The following IMMP1L variants were observed in gnomAD, a reference collection of about 807,000 sequenced individuals.
IMMP1L encodes mitochondrial inner membrane protease subunit 1.
Under a neutral mutation model 21.8 loss-of-function variants are expected in IMMP1L, and 24 were observed. The ratio of observed to expected loss-of-function variants is 1.10; its 90% CI spans 0.80 to 1.55. The LOEUF (loss-of-function observed/expected upper bound fraction) is 1.55. IMMP1L is among the 40% of genes most tolerant of loss of function. The pLI, the probability that IMMP1L is intolerant of heterozygous loss-of-function variation, is 0.00. For synonymous variants in IMMP1L, 46 were observed against 62.8 expected (o/e 0.73, Z 1.26); for missense variants, 195 against 200.7 (o/e 0.97, Z 0.17).
chr11:31,437,661 A>T (rs1300361147), intron 4 of IMMP1L, among the ~76,000 whole-genome samples: 1 of 152,160 alleles, frequency 6.6e-6, no homozygotes, highest in African/African-American at 2.4e-5. Flanking sequence ...ACACGTTTTG[A>T]AAAATGTACA....
intron 1 of IMMP1L, chr11:31,473,642 T>G: frequency 2.3e-6 from 1 of 433,560 alleles, no homozygotes; most frequent in Non-Finnish European, 3.1e-6. Flanking sequence ...AAATTAGAGA[T>G]TCCTCCATCT....
In IMMP1L at chr11:31,456,149, C is replaced by A. The variant is rs560076628; in HGVS notation, c.321+111G>T. The A allele has an allele frequency of 2.7e-5, 18 of 658,132 alleles. No homozygotes were observed. In the East Asian group the frequency reaches 5.2e-4, roughly 19 times the overall value. 40.8% of individuals were successfully genotyped at this position (658,132 alleles called of 1,614,324 possible). A position where few individuals can be genotyped will look rare whatever the true frequency, so the allele number is the denominator to read the frequency against. On this transcript the variant is annotated intron_variant, in intron 4 of 5. Coordinates refer to ENST00000532287, the MANE Select transcript of IMMP1L (RefSeq NM_001304274.2). The stretch of plus-strand genomic sequence containing the variant: ...ATAAACATTTAAATTCTACTGGATG[C>A]CCTTTTTTCTTACATTCAAAATATG...
chr11:31,438,046 T>C (rs1246805050), intron 4 of IMMP1L, among the ~76,000 whole-genome samples: 7 of 152,212 alleles, frequency 4.6e-5, no homozygotes, highest in Admixed American at 2.0e-4. Context: ...TGAACATTCA[T>C]GTACAAGTCT....
At chr11:31,438,952 T>G (rs1953218789) in intron 4 of IMMP1L, among the ~76,000 whole-genome samples, 1 of 152,200 alleles carries the variant, frequency 6.6e-6, no homozygotes, top group African/African-American at 2.4e-5. Context: ...AATACAGAAT[T>G]CTGGATTGAC....
At chr11:31,473,746 T>C in intron 1 of IMMP1L, 1 of 985,212 alleles carries the variant, frequency 1.0e-6, no homozygotes, top group Non-Finnish European at 1.2e-6. Flanking sequence ...ATACCCAAAG[T>C]CACAAGAAGT....
At chr11:31,483,078 T>A (rs895671056) in intron 1 of IMMP1L, among the ~76,000 whole-genome samples, 1 of 152,022 alleles carries the variant, frequency 6.6e-6, no homozygotes, top group Non-Finnish European at 1.5e-5. Flanking sequence ...ACTGTATAAT[T>A]TTCTATATAT....
intron 1 of IMMP1L, among the ~76,000 whole-genome samples, chr11:31,503,693 C>T (rs1955696244): frequency 2.0e-5 from 3 of 152,140 alleles, no homozygotes; most frequent in Admixed American, 6.5e-5. Context: ...GAACAATACA[C>T]AAAAATCAAT....
intron 2 of IMMP1L, 52 bp downstream of exon 2, chr11:31,463,119 AT>A: frequency 7.1e-7 from 1 of 1,404,652 alleles, no homozygotes; most frequent in Non-Finnish European, 9.6e-7. Flanking sequence ...CTTTCCTTCC[AT>A]TTGAAAGAAA....
intron 4 of IMMP1L, among the ~76,000 whole-genome samples, chr11:31,455,832 G>A (rs1424795706): frequency 1.3e-5 from 2 of 152,038 alleles, no homozygotes; most frequent in African/African-American, 4.8e-5. Context: ...GCCCTTCTTG[G>A]TGCTTCAATC....
At chr11:31,450,501 C>T (rs1400308484) in intron 4 of IMMP1L, among the ~76,000 whole-genome samples, 1 of 152,152 alleles carries the variant, frequency 6.6e-6, no homozygotes, top group Admixed American at 6.6e-5. Context: ...AATATGCAGT[C>T]CTAAATAGAA....
intron 4 of IMMP1L, among the ~76,000 whole-genome samples, chr11:31,446,276 T>A (rs892163287): frequency 6.6e-6 from 1 of 152,212 alleles, no homozygotes; most frequent in Non-Finnish European, 1.5e-5. Flanking sequence ...GATGTTATTA[T>A]CTCAGTTATG....
intron 1 of IMMP1L, among the ~76,000 whole-genome samples, chr11:31,492,792 A>C (rs907794030): frequency 6.6e-6 from 1 of 152,222 alleles, no homozygotes; most frequent in Admixed American, 6.5e-5. Context: ...CAGTTAGCAC[A>C]CATACATTTA....
At chr11:31,489,328 A>G (rs1001324191) in intron 1 of IMMP1L, among the ~76,000 whole-genome samples, 4 of 152,264 alleles carry the variant, frequency 2.6e-5, no homozygotes, top group Non-Finnish European at 4.4e-5. Flanking sequence ...TTAAATATGC[A>G]TAATTGCATA....
chr11:31,433,705 T>C, intron 4 of IMMP1L, 135 bp from the exon 5 acceptor site: 3 of 454,314 alleles, frequency 6.6e-6, no homozygotes, highest in Admixed American at 4.0e-5. Context: ...AATCCTAATA[T>C]TGCATTTTTG....
At chr11:31,440,443 T>C (rs1291668439) in intron 4 of IMMP1L, among the ~76,000 whole-genome samples, 2 of 152,096 alleles carry the variant, frequency 1.3e-5, no homozygotes, top group Non-Finnish European at 2.9e-5. Flanking sequence ...CAAGCTGGAG[T>C]GCAGTGGTGC....
At chr11:31,503,964 C>G (rs559268862) in intron 1 of IMMP1L, among the ~76,000 whole-genome samples, 1 of 151,986 alleles carries the variant, frequency 6.6e-6, no homozygotes, top group South Asian at 2.1e-4. Flanking sequence ...AGTGATGATG[C>G]GATATAGCAA....
chr11:31,506,983 C>CA (rs1565022370), intron 1 of IMMP1L, among the ~76,000 whole-genome samples: 1 of 143,964 alleles, frequency 6.9e-6, no homozygotes, highest in African/African-American at 2.6e-5. Flanking sequence ...AACAAACAAA[C>CA]AAAAAACCCA....
chr11:31,433,232 C>A (rs1475143233), intron 5 of IMMP1L, among the ~76,000 whole-genome samples: 1 of 152,076 alleles, frequency 6.6e-6, no homozygotes, highest in Non-Finnish European at 1.5e-5. Context: ...TTAAAGTTTT[C>A]TTAGGCTATA....
chr11:31,433,524 G>T lies in IMMP1L; in HGVS notation c.368C>A (p.Ser123Tyr). 1 of 1,612,010 alleles carries T rather than the reference G, an allele frequency of 6.2e-7. No homozygotes were observed. The highest frequency in any genetic ancestry group is 8.5e-7 in the Non-Finnish European group (1 of 1,178,886). The change falls in exon 5 of 6, where the codon TCT (serine) becomes TAT (tyrosine). Residue 123 changes from serine (S) to tyrosine (Y), a missense_variant. By Grantham distance (144) the Ser-to-Tyr change is moderately radical. Transcript: ENST00000532287. ...AGGTCCATAGCACCTGGAATCTGTA[G>T]AATTCTGTAGATTGTCACCTTCTAA... ...VWLEGDNLQNSTDSRCYGPIP... is the reference protein window; with the variant it reads ...VWLEGDNLQNYTDSRCYGPIP...
Sources: gnomAD v4.1 joint callset for allele counts (sites outside exome capture counted in the v4.1 genomes callset) on GRCh38, gnomAD v4.1.1 for gene constraint, MANE v1.5 for transcripts, NCBI Gene and HGNC (gene_info 2026-07-23, HGNC 2026-07-21) for gene names.